ZBTB20: variants seen among roughly 807,000 people sequenced by gnomAD.
ZBTB20 encodes zinc finger and BTB domain-containing protein 20.
In ZBTB20, 9 loss-of-function variants were observed where a neutral mutation model predicts 56.9. That is an observed-to-expected ratio of 0.16 (90% CI 0.10 to 0.28). ZBTB20 has a LOEUF of 0.28. Ranked by LOEUF, ZBTB20 falls within the 10% of genes least tolerant of loss-of-function variation. The probability of loss-of-function intolerance (pLI) is 1.00; values close to 1 mark genes in which losing one functional copy is unlikely to be tolerated. For synonymous variants in ZBTB20, 417 were observed against 420.7 expected (o/e 0.99, Z 0.11); for missense variants, 655 against 1,003.0 (o/e 0.65, Z 4.69).
intron 3 of ZBTB20, among the ~76,000 whole-genome samples, chr3:114,964,818 A>C (rs1330992038): frequency 6.6e-6 from 1 of 152,170 alleles, no homozygotes; most frequent in African/African-American, 2.4e-5. Context: ...GGATAGGAAA[A>C]GGTAAAGAGA....
At chr3:114,807,575 T>C (rs183608317) in intron 4 of ZBTB20, among the ~76,000 whole-genome samples, 27 of 152,108 alleles carry the variant, frequency 1.8e-4, no homozygotes, top group African/African-American at 5.5e-4. Context: ...CAACCTTGCC[T>C]CTTTTCCGAT....
chr3:114,549,058 C>T (rs2050239475), intron 6 of ZBTB20, among the ~76,000 whole-genome samples: 2 of 152,190 alleles, frequency 1.3e-5, no homozygotes, highest in South Asian at 4.1e-4. Flanking sequence ...TGACCTTTGG[C>T]TACTGAGAAA....
In ZBTB20 at chr3:114,320,553, T is replaced by C. The variant is rs1160870156; in HGVS notation, c.*18452A>G. On this transcript the variant is annotated 3_prime_UTR_variant, in exon 12 of 12. Transcript: ENST00000675478. ...TGGCAAGCACTGGTTAAAAAACAGGTAAGGCTACTCTTAGATTTCTAACTC... is the reference window on the plus strand; with the variant it reads ...TGGCAAGCACTGGTTAAAAAACAGGCAAGGCTACTCTTAGATTTCTAACTC... 1 of 152,184 alleles carries C rather than the reference T, an allele frequency of 6.6e-6. No homozygotes were observed. The highest frequency in any genetic ancestry group is 2.4e-5 in the African/African-American group (1 of 41,454). 9.4% of individuals were successfully genotyped at this position (152,184 alleles called of 1,614,324 possible).
intron 10 of ZBTB20, chr3:114,375,767 TC>T (rs1184113304): frequency 6.6e-6 from 1 of 152,256 alleles, no homozygotes; most frequent in African/African-American, 2.4e-5. Context: ...GCTTGCATAT[TC>T]CTTCCATTTT....
chr3:115,003,561 G>A (rs1484962850), intron 2 of ZBTB20, among the ~76,000 whole-genome samples: 1 of 151,632 alleles, frequency 6.6e-6, no homozygotes, highest in Non-Finnish European at 1.5e-5. Context: ...TGAGTGTGGT[G>A]ATATGAGCCT....
chr3:114,484,796 A>AGGGTGT (rs1491566228), intron 7 of ZBTB20, among the ~76,000 whole-genome samples: 5 of 53,956 alleles, frequency 9.3e-5, no homozygotes, highest in Non-Finnish European at 2.0e-4. Context: ...TCATATCAAT[A>AGGGTGT]GAGTGTGTGT....
intron 7 of ZBTB20, among the ~76,000 whole-genome samples, chr3:114,464,632 A>G (rs1370458742): frequency 6.6e-6 from 1 of 152,240 alleles, no homozygotes; most frequent in Admixed American, 6.5e-5. Flanking sequence ...AAATGAATAA[A>G]TAAAGCTCTA....
chr3:114,898,623 T>C (rs894565940), intron 4 of ZBTB20, among the ~76,000 whole-genome samples: 2 of 152,182 alleles, frequency 1.3e-5, no homozygotes, highest in South Asian at 4.1e-4. Context: ...CAACATTTAC[T>C]GATCAACTAC....
At chr3:115,051,273 G>A (rs1437977648) in intron 2 of ZBTB20, among the ~76,000 whole-genome samples, 1 of 151,768 alleles carries the variant, frequency 6.6e-6, no homozygotes, top group African/African-American at 2.4e-5. Context: ...ATGCCTTGTG[G>A]GAACCAGACA....
intron 3 of ZBTB20, among the ~76,000 whole-genome samples, chr3:114,952,959 G>A (rs530704424): frequency 4.6e-5 from 7 of 152,118 alleles, no homozygotes; most frequent in African/African-American, 1.7e-4. Context: ...GTAAATATAA[G>A]AAACGATTAT....
intron 6 of ZBTB20, among the ~76,000 whole-genome samples, chr3:114,506,670 C>G (rs1295553847): frequency 6.6e-6 from 1 of 152,104 alleles, no homozygotes; most frequent in African/African-American, 2.4e-5. Flanking sequence ...GGACCTTTGA[C>G]TTATAGTAAA....
At chr3:114,970,579 T>C (rs77113463) in intron 3 of ZBTB20, among the ~76,000 whole-genome samples, 3,128 of 152,256 alleles carry the variant, frequency 0.021, 109 homozygotes, top group African/African-American at 0.072. Context: ...GCAAATAAGG[T>C]AAATGATTCC....
intron 6 of ZBTB20, among the ~76,000 whole-genome samples, chr3:114,544,679 T>C (rs1322354813): frequency 1.3e-5 from 2 of 151,884 alleles, no homozygotes; most frequent in South Asian, 2.1e-4. Flanking sequence ...AATTTTTGTA[T>C]TTTTTTGTAG....
intron 6 of ZBTB20, among the ~76,000 whole-genome samples, chr3:114,614,733 CTTTT>C (rs1291937445): frequency 3.4e-5 from 4 of 116,660 alleles, no homozygotes; most frequent in Non-Finnish European, 6.1e-5. Flanking sequence ...ATAGTGGCCA[CTTTT>C]TTTGTTTGTT....
chr3:114,688,086 TG>T (rs2062457202), intron 6 of ZBTB20: 2 of 151,902 alleles, frequency 1.3e-5, no homozygotes, highest in African/African-American at 4.8e-5. Flanking sequence ...AAAAATTAGC[TG>T]GGTATGATGG....
At chr3:114,594,818 A>G (rs945480605) in intron 6 of ZBTB20, among the ~76,000 whole-genome samples, 1 of 152,168 alleles carries the variant, frequency 6.6e-6, no homozygotes, top group Non-Finnish European at 1.5e-5. Flanking sequence ...GTAAAAAATT[A>G]TGGTTAATGC....
chr3:114,538,288 G>A (rs2048714487), intron 6 of ZBTB20, among the ~76,000 whole-genome samples: 1 of 151,674 alleles, frequency 6.6e-6, no homozygotes. Context: ...TCGACTAATC[G>A]GCTGCTTTGA....
chr3:114,771,105 C>T (rs1313056205), intron 5 of ZBTB20, among the ~76,000 whole-genome samples: 1 of 152,102 alleles, frequency 6.6e-6, no homozygotes, highest in African/African-American at 2.4e-5. Flanking sequence ...TCTCAGAACT[C>T]TATTTTTTTT....
At chr3:114,555,010 C>T (rs2051026877) in intron 6 of ZBTB20, among the ~76,000 whole-genome samples, 1 of 152,124 alleles carries the variant, frequency 6.6e-6, no homozygotes, top group Admixed American at 6.6e-5. Flanking sequence ...AACACTAATT[C>T]CCAGCTCCAG....
Sources: allele counts gnomAD v4.1 joint callset (sites outside exome capture counted in the v4.1 genomes callset), GRCh38; gene constraint gnomAD v4.1.1; transcripts MANE v1.5; gene names NCBI Gene and HGNC (gene_info 2026-07-23, HGNC 2026-07-21).